The following CCNL1 variants were observed in gnomAD, a reference collection of about 807,000 sequenced individuals.
CCNL1 encodes cyclin L1.
Under a neutral mutation model 60.6 loss-of-function variants are expected in CCNL1, and 13 were observed. That is an observed-to-expected ratio of 0.21 (90% CI 0.14 to 0.34). CCNL1 has a LOEUF of 0.34. Among genes scored for constraint, CCNL1 ranks in the 10% least tolerant of loss-of-function variants. CCNL1 has a pLI of 1.00. For missense variants in CCNL1, 481 were observed against 664.3 expected (o/e 0.72, Z 3.03); for synonymous variants, 270 against 244.3 (o/e 1.10, Z -0.98).
chr3:157,160,026 G>A lies in CCNL1; in HGVS notation c.69C>T (p.Gly23=), dbSNP rs1455135245. Residue 23 remains glycine (G), a synonymous_variant, in exon 1 of 11, where the codon GGC becomes GGT. Coordinates refer to ENST00000295926, the MANE Select transcript of CCNL1 (RefSeq NM_020307.4). ...AAASSAAPSA[G]GSSSGTTTTT... Reference sequence around the variant, plus strand: ...TGGTCGTCGTCCCGGAGCTGGAGCCGCCCGCGCTTGGGGCGGCCGATGAGG... The same window carrying A: ...TGGTCGTCGTCCCGGAGCTGGAGCCACCCGCGCTTGGGGCGGCCGATGAGG... 2 of 1,568,312 alleles carry A rather than the reference G, an allele frequency of 1.3e-6. No homozygotes were observed. Among genetic ancestry groups the A allele is most frequent in the African/African-American group, 1.4e-5 (1 of 74,018 alleles).
chr3:157,151,652 C>T (rs1001344187), intron 5 of CCNL1: 2 of 989,870 alleles, frequency 2.0e-6, no homozygotes, highest in African/African-American at 3.5e-5. Context: ...GGCTGCACAA[C>T]AAATCTATCA....
chr3:157,159,022 C>G (rs779239521), intron 2 of CCNL1, 47 bp from the exon 3 acceptor site: 1 of 1,254,668 alleles, frequency 8.0e-7, no homozygotes, highest in Non-Finnish European at 1.2e-6. Flanking sequence ...ATTAAACTCA[C>G]TTTGAAGAAT....
chr3:157,147,546 A>C (rs1281323359), downstream of CCNL1: 1 of 982,016 alleles, frequency 1.0e-6, no homozygotes, highest in Non-Finnish European at 1.2e-6. Flanking sequence ...TTCAAAAGCA[A>C]ATCAGGTTTT....
intron 3 of CCNL1, 31 bp downstream of exon 3, chr3:157,158,835 G>A (rs960320479): frequency 4.4e-6 from 6 of 1,356,916 alleles, no homozygotes; most frequent in Middle Eastern, 1.8e-4. Context: ...GCAGTAGCAA[G>A]AGATACTATG....
At position 157,148,283 on chromosome 3, in the gene CCNL1, G is replaced by A. The variant is rs879513582; in HGVS notation, c.1539C>T (p.His513=). 5 of 1,614,070 alleles carry A rather than the reference G, an allele frequency of 3.1e-6. No individual in the cohort carries two copies. The African/African-American group carries it at 4.0e-5, about 13-fold the overall frequency. ...RSFERSHKSK[H]HGGSRSGHGR... is the part of the protein sequence containing the mutation. ...CATGTCCTGAGCGACTGCCACCATG[G>A]TGCTTGCTTTTATGGGACCTCTCAA... The change falls in exon 11 of 11, where the codon CAC becomes CAT. Residue 513 remains histidine (H), a synonymous_variant. Transcript: ENST00000295926.
chr3:157,145,578 G>A (rs1407082811), downstream of CCNL1, among the ~76,000 whole-genome samples: 2 of 151,260 alleles, frequency 1.3e-5, no homozygotes, highest in African/African-American at 4.9e-5. Flanking sequence ...ACAGAGAACA[G>A]AGGGAAAAAC....
intron 5 of CCNL1, chr3:157,151,846 G>A: frequency 8.5e-7 from 1 of 1,173,794 alleles, no homozygotes. Context: ...ATTGGCTGGA[G>A]AGCAGGGTAG....
At chr3:157,148,641 T>A in intron 10 of CCNL1, 52 bp from the exon 11 acceptor site, 1 of 1,473,310 alleles carries the variant, frequency 6.8e-7, no homozygotes. Context: ...GGGAACAGAT[T>A]ATTCCGGTGG....
Position 157,147,747 on chromosome 3 carries a change from T to C in CCNL1, c.*494A>G, listed in dbSNP as rs547860306. 2 of 984,058 alleles carry C rather than the reference T, an allele frequency of 2.0e-6. No homozygotes were observed. The highest frequency in any genetic ancestry group is 6.1e-5 in the Admixed American group (1 of 16,296). 61.0% of individuals were successfully genotyped at this position (984,058 alleles called of 1,614,324 possible). A position where few individuals can be genotyped will look rare whatever the true frequency, so the allele number is the denominator to read the frequency against. On this transcript the variant is annotated 3_prime_UTR_variant, in exon 11 of 11. Coordinates refer to ENST00000295926, the MANE Select transcript of CCNL1 (RefSeq NM_020307.4). ...GAAAACCAGTACAGCCATTTTGCTA[T>C]TAAAATTTTCCTTTTTAATAATTTA...
intron 10 of CCNL1, chr3:157,149,021 C>A: frequency 8.4e-6 from 3 of 359,230 alleles, no homozygotes; most frequent in Admixed American, 4.3e-5. Flanking sequence ...AAGAAGTTTT[C>A]ACATTATGAA....
At chr3:157,157,892 C>T (rs942833972) in intron 3 of CCNL1, among the ~76,000 whole-genome samples, 8 of 152,178 alleles carry the variant, frequency 5.3e-5, no homozygotes, top group Non-Finnish European at 7.4e-5. Flanking sequence ...AAGGACTACT[C>T]ATATAGAATA....
At chr3:157,149,184 C>G in intron 10 of CCNL1, 103 bp downstream of exon 10, 3 of 944,312 alleles carry the variant, frequency 3.2e-6, no homozygotes, top group Non-Finnish European at 4.9e-6. Context: ...AAGCCTAATT[C>G]TAACCTAACT....
At chr3:157,145,466 C>CAAAAA (rs1737755942), downstream of CCNL1, among the ~76,000 whole-genome samples, 193 of 88,894 alleles carry the variant, frequency 2.2e-3, 13 homozygotes, top group African/African-American at 7.8e-3. Flanking sequence ...AAAAAAAAAC[C>CAAAAA]AAAACGGGAT....
At chr3:157,145,708 G>C (rs1737765799), downstream of CCNL1, among the ~76,000 whole-genome samples, 1 of 152,132 alleles carries the variant, frequency 6.6e-6, no homozygotes, top group Non-Finnish European at 1.5e-5. Context: ...TGGGTGTCCA[G>C]GCTTCTAATT....
intron 3 of CCNL1, chr3:157,153,628 T>C (rs1738366746): frequency 6.5e-6 from 1 of 153,122 alleles, no homozygotes; most frequent in African/African-American, 2.4e-5. Flanking sequence ...CCACTGCTAT[T>C]TGACTGGTAA....
At chr3:157,153,960 G>C (rs534194385) in intron 3 of CCNL1, 1 of 152,126 alleles carries the variant, frequency 6.6e-6, no homozygotes, top group Non-Finnish European at 1.5e-5. Flanking sequence ...CAGGGTTGTA[G>C]TTATTAGGCA....
At chr3:157,159,549 G>A (rs1738905344) in intron 1 of CCNL1, 70 bp from the exon 2 acceptor site, 1 of 1,427,200 alleles carries the variant, frequency 7.0e-7, no homozygotes, top group South Asian at 1.2e-5. Context: ...CCGCCATTTT[G>A]TGCCGCCGAT....
Position 157,150,310 on chromosome 3 carries a change from C to A in CCNL1, c.746G>T (p.Cys249Phe). The change falls in exon 6 of 11, where the codon TGC becomes TTC. Residue 249 changes from cysteine (C) to phenylalanine (F), a missense_variant. Cys to Phe is a radical substitution (Grantham distance 205). Coordinates refer to ENST00000295926, the MANE Select transcript of CCNL1 (RefSeq NM_020307.4). ...AAGTGCTCTAGCTGCAAGGTAGATG[C>A]AAGCACATGCTATAGTCTCTGGTTG... ...RFQPETIACA[C>F]IYLAARALQI... The A allele has an allele frequency of 1.2e-6, 2 of 1,613,970 alleles. No individual in the cohort carries two copies. The highest frequency in any genetic ancestry group is 1.7e-6 in the Non-Finnish European group (2 of 1,179,910).
At chr3:157,156,955 G>A in intron 3 of CCNL1, 1 of 1,289,834 alleles carries the variant, frequency 7.8e-7, no homozygotes, top group Non-Finnish European at 1.0e-6. Flanking sequence ...CCCGATTCCA[G>A]TGACCTATTC....
Sources: gnomAD v4.1 joint callset for allele counts (sites outside exome capture counted in the v4.1 genomes callset) on GRCh38, gnomAD v4.1.1 for gene constraint, MANE v1.5 for transcripts, NCBI Gene and HGNC (gene_info 2026-07-23, HGNC 2026-07-21) for gene names.